FBXO34: variants seen among roughly 807,000 people sequenced by gnomAD.
The protein encoded by FBXO34 is F-box protein 34.
Under a neutral mutation model 24.5 loss-of-function variants are expected in FBXO34, and 12 were observed. The observed-to-expected ratio is 0.49, with a 90% CI of 0.31 to 0.79. The LOEUF is 0.79. Among genes scored for constraint, FBXO34 ranks in the 30% least tolerant of loss-of-function variants. FBXO34 has a pLI of 0.04. For missense variants in FBXO34, 823 were observed against 857.7 expected, an observed-to-expected ratio of 0.96 and a Z score of 0.51; for synonymous variants, 320 against 311.9, an observed-to-expected ratio of 1.03 and a Z score of -0.27.
rs1463919499 is a variant in FBXO34 at position 55,352,683 on chromosome 14, C to T, written c.*157C>T. On this transcript the variant is annotated 3_prime_UTR_variant, in exon 2 of 2. Coordinates refer to ENST00000313833, the MANE Select transcript of FBXO34 (RefSeq NM_017943.4). The stretch of plus-strand genomic sequence containing the variant: ...AGGCATTTTCTAAACTCTAAATTTA[C>T]GAGCTGTACAAAAAAATTGGTCTTG... 14 of 659,052 alleles carry T rather than the reference C, an allele frequency of 2.1e-5. No homozygotes were observed. The highest frequency in any genetic ancestry group is 3.2e-5 in the Non-Finnish European group (13 of 410,372). 40.8% of individuals were successfully genotyped at this position (659,052 alleles called of 1,614,324 possible). A position where few individuals can be genotyped will look rare whatever the true frequency, so the allele number is the denominator to read the frequency against.
intron 1 of FBXO34, among the ~76,000 whole-genome samples, chr14:55,287,063 C>T (rs1881788122): frequency 6.6e-6 from 1 of 151,994 alleles, no homozygotes; most frequent in Non-Finnish European, 1.5e-5. Flanking sequence ...TGTGCCATCA[C>T]ACCTGGCTAG....
intron 1 of FBXO34, among the ~76,000 whole-genome samples, chr14:55,333,286 T>C (rs986419102): frequency 1.3e-5 from 2 of 152,244 alleles, no homozygotes; most frequent in Admixed American, 6.5e-5. Context: ...GTATAATTTC[T>C]GACTATTACC....
rs1884345439 is a variant in FBXO34, at chr14:55,351,035, G to A, written c.645G>A (p.Glu215=). ...TTATACAGATGGTTGCCTTCTTGGA[G>A]CAAAGAGCCAGTGCTCTGCTAGCTA... ...LSVIQMVAFL[E]QRASALLASC... The change falls in exon 2 of 2, where the codon GAG becomes GAA. Residue 215 remains glutamate (E), a synonymous_variant. Coordinates refer to ENST00000313833, the MANE Select transcript of FBXO34 (RefSeq NM_017943.4). 6.2e-7 allele frequency: 1 copy of A among 1,614,108 alleles called. No homozygotes were observed. The highest frequency in any genetic ancestry group is 8.5e-7 in the Non-Finnish European group (1 of 1,180,042).
the FBXO34 span, chr14:55,424,203 C>T: frequency 1.9e-6 from 3 of 1,613,392 alleles, no homozygotes; most frequent in Non-Finnish European, 2.5e-6. Context: ...CAACACAATT[C>T]GTGGTTTTAC....
chr14:55,280,736 C>T (rs1881509080), intron 1 of FBXO34, among the ~76,000 whole-genome samples: 1 of 151,892 alleles, frequency 6.6e-6, no homozygotes, highest in African/African-American at 2.4e-5. Flanking sequence ...CCATGTTAGC[C>T]AGGATGGTCT....
At chr14:55,395,950 G>A in the FBXO34 span, 7 of 1,595,204 alleles carry the variant, frequency 4.4e-6, no homozygotes, top group East Asian at 1.6e-4. Context: ...CAACTGATCT[G>A]TTATCCATTT....
At chr14:55,368,245 A>T (rs112658461), downstream of FBXO34, 3 of 152,180 alleles carry the variant, frequency 2.0e-5, no homozygotes, top group Admixed American at 6.6e-5. Context: ...TTTGAGACGG[A>T]GTTTCGCTCT....
the FBXO34 span, among the ~76,000 whole-genome samples, chr14:55,437,384 A>G: frequency 6.6e-6 from 1 of 152,266 alleles, no homozygotes; most frequent in African/African-American, 2.4e-5. Context: ...AGGCTGAGGC[A>G]TGAGAATCTC....
the FBXO34 span, chr14:55,436,774 C>T: frequency 6.2e-7 from 1 of 1,614,098 alleles, no homozygotes; most frequent in African/African-American, 1.3e-5. Flanking sequence ...TGGCAACCTA[C>T]TTTGTGGACT....
downstream of FBXO34, among the ~76,000 whole-genome samples, chr14:55,355,765 C>T (rs1884513778): frequency 6.6e-6 from 1 of 152,206 alleles, no homozygotes; most frequent in Admixed American, 6.5e-5. Flanking sequence ...GCCCACAGTG[C>T]CTCACACAAC....
chr14:55,276,638 CG>C (rs201666327), intron 1 of FBXO34, among the ~76,000 whole-genome samples: 32 of 151,446 alleles, frequency 2.1e-4, no homozygotes, highest in Admixed American at 4.6e-4. Flanking sequence ...GTTGAGGAAG[CG>C]GGGGGGTCTA....
the FBXO34 span, chr14:55,436,725 GCTGTTTAAGCCCAGCCCAACGTC>G: frequency 2.5e-6 from 4 of 1,614,218 alleles, no homozygotes; most frequent in Non-Finnish European, 3.4e-6. Context: ...ACAAACTGCT[GCTGTTTAAGCCCAGCCCAACGTC>G]CTGTTCGCTG....
intron 1 of FBXO34, among the ~76,000 whole-genome samples, chr14:55,343,225 T>C (rs1884048332): frequency 6.6e-6 from 1 of 150,742 alleles, no homozygotes; most frequent in South Asian, 2.1e-4. Context: ...TATACTATTC[T>C]ATTTTTATTC....
At chr14:55,311,365 G>C (rs1389488697) in intron 1 of FBXO34, among the ~76,000 whole-genome samples, 1 of 152,168 alleles carries the variant, frequency 6.6e-6, no homozygotes, top group Non-Finnish European at 1.5e-5. Flanking sequence ...TTCAAGATAA[G>C]AGTTGGGTGG....
chr14:55,324,226 A>G (rs1883266897), intron 1 of FBXO34, among the ~76,000 whole-genome samples: 1 of 152,164 alleles, frequency 6.6e-6, no homozygotes, highest in Non-Finnish European at 1.5e-5. Context: ...ACTTAGCATG[A>G]TGTCTTCAAG....
At chr14:55,441,123 G>A in the FBXO34 span, among the ~76,000 whole-genome samples, 1 of 152,202 alleles carries the variant, frequency 6.6e-6, no homozygotes, top group African/African-American at 2.4e-5. Flanking sequence ...TGGGATTACA[G>A]GCGTGAGCCA....
At chr14:55,335,021 G>T (rs1172181053) in intron 1 of FBXO34, among the ~76,000 whole-genome samples, 1 of 152,114 alleles carries the variant, frequency 6.6e-6, no homozygotes, top group Non-Finnish European at 1.5e-5. Context: ...TTTCAAACTG[G>T]GTTTCCCACC....
At chr14:55,400,726 A>C in the FBXO34 span, among the ~76,000 whole-genome samples, 2 of 152,098 alleles carry the variant, frequency 1.3e-5, no homozygotes, top group African/African-American at 4.8e-5. Flanking sequence ...AACATGGCGA[A>C]ACTCTGTCTC....
the FBXO34 span, among the ~76,000 whole-genome samples, chr14:55,421,826 G>A: frequency 2.0e-5 from 3 of 152,162 alleles, no homozygotes; most frequent in African/African-American, 4.8e-5. Context: ...ACAACTCAGA[G>A]TTATAAAAGA....
Sources: gnomAD v4.1 joint callset for allele counts (sites outside exome capture counted in the v4.1 genomes callset) on GRCh38, gnomAD v4.1.1 for gene constraint, MANE v1.5 for transcripts, NCBI Gene and HGNC (gene_info 2026-07-23, HGNC 2026-07-21) for gene names.